The following C9orf43 variants were observed in gnomAD, a reference collection of about 807,000 sequenced individuals.
The protein encoded by C9orf43 is uncharacterized protein C9orf43.
In C9orf43, 45 loss-of-function variants were observed where a neutral mutation model predicts 59.1. The observed-to-expected ratio is 0.76, with a 90% CI of 0.60 to 0.98. C9orf43 has a LOEUF of 0.98. C9orf43 is among the 50% of genes least tolerant of loss of function. C9orf43 has a pLI of 0.00. For synonymous variants in C9orf43, 203 were observed against 196.8 expected, an observed-to-expected ratio of 1.03 and a Z score of -0.26; for missense variants, 533 against 554.9, an observed-to-expected ratio of 0.96 and a Z score of 0.40.
rs1189736671 is a variant in C9orf43 at position 113,420,795 on chromosome 9, TA to T, written c.346-306del. 4 of 985,174 alleles carry T rather than the reference TA, an allele frequency of 4.1e-6. No homozygotes were observed. The African/African-American group carries it at 7.0e-5, about 17-fold the overall frequency. The allele number at this position is 985,174 out of a possible 1,614,324, so 61.0% of individuals were successfully genotyped here. ...TTTGGAGTGGAGTGGGCAGGATAAG[TA>T]ATGTTCCTGTAGGTAAGCCCCAGGG... On this transcript the variant is annotated intron_variant, in intron 4 of 13. Transcript: ENST00000374165.
chr9:113,419,294 A>T, intron 4 of C9orf43, 129 bp downstream of exon 4: 2 of 671,570 alleles, frequency 3.0e-6, no homozygotes, highest in African/African-American at 3.6e-5. Flanking sequence ...GATAGTAACC[A>T]TCTAATATTG....
rs373806207 is a variant in C9orf43 at position 113,423,490 on chromosome 9, A to C, written c.648A>C (p.Leu216=). 1.2e-6 allele frequency: 2 copies of C among 1,613,084 alleles called. No homozygotes were observed. The highest frequency in any genetic ancestry group is 1.7e-6 in the Non-Finnish European group (2 of 1,179,146). Residue 216 remains leucine, a synonymous_variant, in exon 7 of 14, where the codon CTA becomes CTC. Coordinates refer to ENST00000374165, the MANE Select transcript of C9orf43 (RefSeq NM_001278629.2). ...WAQSEALPQD[L]LKELLPGGKQ... is the part of the protein sequence containing the mutation. ...AATCCGAAGCGTTACCTCAGGATCTACTGAAGGAGTAAGTATCATGTAGGT... is the reference window on the plus strand; with the variant it reads ...AATCCGAAGCGTTACCTCAGGATCTCCTGAAGGAGTAAGTATCATGTAGGT...
In C9orf43 at chr9:113,421,209, T is replaced by G; in HGVS notation, c.446+6T>G. On this transcript the variant is annotated splice_donor_region_variant and intron_variant, in intron 5 of 13. Coordinates refer to ENST00000374165, the MANE Select transcript of C9orf43 (RefSeq NM_001278629.2). ...GAAACAGAGATACATGTGAGGTGAG[T>G]ATCATATCTGGAACTCAGAGGACTT... is the stretch of plus-strand genomic sequence containing the variant. The G allele has an allele frequency of 1.3e-6, 2 of 1,574,588 alleles. No individual in the cohort carries two copies. The highest frequency in any genetic ancestry group is 1.7e-6 in the Non-Finnish European group (2 of 1,144,490).
intron 1 of C9orf43, among the ~76,000 whole-genome samples, chr9:113,411,455 C>G (rs34261041): frequency 5.3e-5 from 8 of 152,088 alleles, no homozygotes; most frequent in Non-Finnish European, 1.5e-5. Context: ...CCCGCCACCA[C>G]GCCCGGCTAA....
At chr9:113,425,465 A>AT (rs777325965) in intron 10 of C9orf43, 45 bp downstream of exon 10, 1 of 1,585,334 alleles carries the variant, frequency 6.3e-7, no homozygotes, top group Non-Finnish European at 8.6e-7. Context: ...AGAGGTCTAC[A>AT]GCCTGGAATG....
intron 8 of C9orf43, among the ~76,000 whole-genome samples, chr9:113,424,816 A>G (rs1828721241): frequency 6.6e-6 from 1 of 152,082 alleles, no homozygotes; most frequent in African/African-American, 2.4e-5. Context: ...ATGAGCCACC[A>G]TGCCTGGCCA....
intron 5 of C9orf43, 72 bp from the exon 6 acceptor site, chr9:113,422,477 A>G: frequency 6.3e-7 from 1 of 1,580,892 alleles, no homozygotes; most frequent in South Asian, 1.1e-5. Flanking sequence ...TCTGGGAATA[A>G]GTTGTGCTTA....
In C9orf43 at chr9:113,420,846, G is replaced by A. The variant is rs1396399771; in HGVS notation, c.346-257G>A. ...GCACCCTCATATGGGATTGGATTGG[G>A]AGTTGCTAAATGCTACCCTAATGGC... On this transcript the variant is annotated intron_variant, in intron 4 of 13. Transcript: ENST00000374165. The A allele has an allele frequency of 4.2e-6, 4 of 946,078 alleles. No individual in the cohort carries two copies. The African/African-American group carries it at 7.1e-5, about 17-fold the overall frequency. The allele number at this position is 946,078 out of a possible 1,614,324, so 58.6% of individuals were successfully genotyped here.
At chr9:113,429,119 G>A in intron 13 of C9orf43, 53 bp from the exon 14 acceptor site, 1 of 1,572,854 alleles carries the variant, frequency 6.4e-7, no homozygotes, top group Non-Finnish European at 8.7e-7. Flanking sequence ...TCCTCCATTT[G>A]TTGTAGTTGA....
intron 1 of C9orf43, among the ~76,000 whole-genome samples, chr9:113,412,751 A>C (rs920040831): frequency 2.6e-5 from 4 of 152,220 alleles, no homozygotes; most frequent in Non-Finnish European, 5.9e-5. Flanking sequence ...GACCTGAGAC[A>C]CCAAGTCAGG....
At chr9:113,420,292 T>C (rs1332360757) in intron 4 of C9orf43, among the ~76,000 whole-genome samples, 30 of 152,080 alleles carry the variant, frequency 2.0e-4, no homozygotes, top group Non-Finnish European at 8.8e-5. Flanking sequence ...AGGGTCTCAC[T>C]ATGTTGCCCA....
chr9:113,428,687 G>A (rs1352248248), intron 12 of C9orf43, among the ~76,000 whole-genome samples: 2 of 152,196 alleles, frequency 1.3e-5, no homozygotes, highest in African/African-American at 4.8e-5. Context: ...TCTGCCCTTA[G>A]TTGACTGCAG....
rs1382763819 is a variant in C9orf43, at chr9:113,413,485, T to C, written c.-9T>C. The C allele has an allele frequency of 1.9e-6, 3 of 1,609,396 alleles. No individual in the cohort carries two copies. The highest frequency in any genetic ancestry group is 2.7e-5 in the African/African-American group (2 of 74,988). The stretch of plus-strand genomic sequence containing the variant: ...CAGGGTTGGCCTTTGGCCTAAACCA[T>C]TTCTAGCTATGGACTTGCCAGATGA... On this transcript the variant is annotated 5_prime_UTR_variant, in exon 2 of 14. Transcript: ENST00000374165.
At chr9:113,421,294 A>C in intron 5 of C9orf43, 91 bp downstream of exon 5, 1 of 900,144 alleles carries the variant, frequency 1.1e-6, no homozygotes, top group South Asian at 1.4e-5. Context: ...CCATTTAGCC[A>C]GCTCATTGCA....
chr9:113,415,454 A>G (rs1013578216), intron 3 of C9orf43, among the ~76,000 whole-genome samples: 1 of 152,228 alleles, frequency 6.6e-6, no homozygotes, highest in African/African-American at 2.4e-5. Flanking sequence ...TAAAAAACTC[A>G]TATCCTTGTA....
In C9orf43 at chr9:113,413,441, C is replaced by T; in HGVS notation, c.-49-4C>T. 2 of 1,574,636 alleles carry T rather than the reference C, an allele frequency of 1.3e-6. No individual in the cohort carries two copies. The highest frequency in any genetic ancestry group is 1.7e-6 in the Non-Finnish European group (2 of 1,154,742). ...CCCTAATTATGTAGCTGTTGATTTT[C>T]CAGAGCACTAGAATGCTGCAGGGTT... On this transcript the variant is annotated splice_polypyrimidine_tract_variant and splice_region_variant and intron_variant, in intron 1 of 13. Coordinates refer to ENST00000374165, the MANE Select transcript of C9orf43 (RefSeq NM_001278629.2).
At position 113,428,130 on chromosome 9, in the gene C9orf43, G is replaced by T. The variant is rs566456999; in HGVS notation, c.1031-17G>T. The T allele has an allele frequency of 2.1e-5, 34 of 1,613,804 alleles. 1 individual carries two copies. The South Asian group carries it at 3.5e-4, about 17-fold the overall frequency. ...ATGGTAATAAGAGGAAGATTGAATG[G>T]ACTCTTTGGTTACTAGGTTACAGAA... On this transcript the variant is annotated splice_polypyrimidine_tract_variant and intron_variant, in intron 11 of 13. Coordinates refer to ENST00000374165, the MANE Select transcript of C9orf43 (RefSeq NM_001278629.2).
At chr9:113,426,645 T>C (rs1828801965) in intron 11 of C9orf43, among the ~76,000 whole-genome samples, 1 of 152,092 alleles carries the variant, frequency 6.6e-6, no homozygotes, top group Non-Finnish European at 1.5e-5. Flanking sequence ...TTCCTGCCCT[T>C]CTTATGGGAG....
At chr9:113,424,775 C>T (rs1447672314) in intron 8 of C9orf43, among the ~76,000 whole-genome samples, 2 of 152,124 alleles carry the variant, frequency 1.3e-5, no homozygotes, top group South Asian at 2.1e-4. Flanking sequence ...ATCTGCCCAC[C>T]TCAGCCTCCC....
Sources: gnomAD v4.1 joint callset for allele counts (sites outside exome capture counted in the v4.1 genomes callset) on GRCh38, gnomAD v4.1.1 for gene constraint, MANE v1.5 for transcripts, NCBI Gene and HGNC (gene_info 2026-07-23, HGNC 2026-07-21) for gene names.